The following IMMP1L variants were observed in gnomAD, a reference collection of about 807,000 sequenced individuals.
IMMP1L encodes the protein inner mitochondrial membrane peptidase subunit 1.
A neutral mutation model predicts 21.8 loss-of-function variants in IMMP1L; 24 were observed. The ratio of observed to expected loss-of-function variants is 1.10; its 90% confidence interval spans 0.80 to 1.55. The LOEUF (loss-of-function observed/expected upper bound fraction) is 1.55. IMMP1L is among the 40% of genes most tolerant of loss of function. The pLI, the probability that IMMP1L is intolerant of heterozygous loss-of-function variation, is 0.00. For missense variants in IMMP1L, 195 were observed against 200.7 expected, an observed-to-expected ratio of 0.97 and a Z score of 0.17; for synonymous variants, 46 against 62.8, an observed-to-expected ratio of 0.73 and a Z score of 1.26.
chr11:31,464,623 A>AT (rs1954266896), intron 1 of IMMP1L, among the ~76,000 whole-genome samples: 1 of 152,168 alleles, frequency 6.6e-6, no homozygotes, highest in African/African-American at 2.4e-5. Context: ...GGATGCAAGG[A>AT]TGGTTCAACA....
chr11:31,477,138 A>T (rs1592006778), intron 1 of IMMP1L: 1 of 152,184 alleles, frequency 6.6e-6, no homozygotes, highest in African/African-American at 2.4e-5. Flanking sequence ...TATTCACCAA[A>T]AACATTTCAT....
At chr11:31,464,824 A>G (rs1954275091) in intron 1 of IMMP1L, among the ~76,000 whole-genome samples, 1 of 152,176 alleles carries the variant, frequency 6.6e-6, no homozygotes, top group African/African-American at 2.4e-5. Flanking sequence ...ACAAACCCAC[A>G]GCTAATATCA....
chr11:31,506,069 C>T (rs1955768985), intron 1 of IMMP1L, among the ~76,000 whole-genome samples: 1 of 152,108 alleles, frequency 6.6e-6, no homozygotes, highest in African/African-American at 2.4e-5. Flanking sequence ...ATCAACTGTA[C>T]TTTATTGACC....
intron 1 of IMMP1L, among the ~76,000 whole-genome samples, chr11:31,468,500 T>C (rs111838692): frequency 4.8e-4 from 73 of 152,292 alleles, no homozygotes; most frequent in Non-Finnish European, 9.0e-4. Flanking sequence ...CAAATGTGCA[T>C]TGCACTATTT....
At chr11:31,433,763 C>T (rs1413934295) in intron 4 of IMMP1L, 193 bp from the exon 5 acceptor site, 4 of 424,996 alleles carry the variant, frequency 9.4e-6, no homozygotes, top group Non-Finnish European at 1.7e-5. Context: ...AAGGTTTCAA[C>T]TTTTTTAAAA....
intron 4 of IMMP1L, among the ~76,000 whole-genome samples, chr11:31,444,055 T>G (rs1953432333): frequency 6.6e-6 from 1 of 152,168 alleles, no homozygotes; most frequent in South Asian, 2.1e-4. Context: ...TAACCTCTGG[T>G]GGGCTGTTTA....
chr11:31,478,539 T>C (rs984871768), intron 1 of IMMP1L, among the ~76,000 whole-genome samples: 3 of 152,196 alleles, frequency 2.0e-5, no homozygotes, highest in Non-Finnish European at 2.9e-5. Context: ...GTTTAAAGAA[T>C]AGTTTAACAT....
intron 4 of IMMP1L, among the ~76,000 whole-genome samples, chr11:31,448,478 C>G (rs1318979267): frequency 6.6e-6 from 1 of 152,128 alleles, no homozygotes; most frequent in African/African-American, 2.4e-5. Context: ...GACTTTTAAG[C>G]AACTTTAAAG....
chr11:31,433,670 G>T, intron 4 of IMMP1L, 100 bp from the exon 5 acceptor site: 1 of 632,326 alleles, frequency 1.6e-6, no homozygotes, highest in South Asian at 2.5e-5. Context: ...AATGTCCTAA[G>T]GCTCTCTTTT....
chr11:31,442,122 C>T (rs913414486), intron 4 of IMMP1L, among the ~76,000 whole-genome samples: 1 of 152,100 alleles, frequency 6.6e-6, no homozygotes, highest in African/African-American at 2.4e-5. Flanking sequence ...ATTAAAGGGA[C>T]CTTTAAATCA....
chr11:31,498,387 T>C (rs1216341477), intron 1 of IMMP1L, among the ~76,000 whole-genome samples: 2 of 152,212 alleles, frequency 1.3e-5, no homozygotes, highest in Non-Finnish European at 1.5e-5. Context: ...GGGTTGAAAC[T>C]GAAATTTCTA....
At chr11:31,496,055 T>C (rs1457561666) in intron 1 of IMMP1L, among the ~76,000 whole-genome samples, 1 of 150,738 alleles carries the variant, frequency 6.6e-6, no homozygotes, top group Non-Finnish European at 1.5e-5. Flanking sequence ...TTGCATATCA[T>C]ACATCTAATT....
In IMMP1L at chr11:31,508,027, A is replaced by G. The variant is rs139793928; in HGVS notation, c.-30+1492T>C. ...AATATTTGTAGGGGTGGGGGGACAGAGAGCATCAGGAAGAATAGCTAATGG... is the reference window on the plus strand; with the variant it reads ...AATATTTGTAGGGGTGGGGGGACAGGGAGCATCAGGAAGAATAGCTAATGG... On this transcript the variant is annotated intron_variant, in intron 1 of 5. Coordinates refer to ENST00000532287, the MANE Select transcript of IMMP1L (RefSeq NM_001304274.2). Among the ~76,000 whole-genome samples the G allele has an allele frequency of 7.9e-5, 12 of 152,326 alleles. 1 individual carries two copies. The East Asian group carries it at 2.3e-3, about 29-fold the overall frequency.
At chr11:31,464,468 C>T (rs1346681980) in intron 1 of IMMP1L, among the ~76,000 whole-genome samples, 1 of 152,036 alleles carries the variant, frequency 6.6e-6, no homozygotes, top group Non-Finnish European at 1.5e-5. Context: ...GCCCTAATGC[C>T]CAAACCAGAT....
intron 1 of IMMP1L, among the ~76,000 whole-genome samples, chr11:31,497,615 C>A (rs377654359): frequency 6.6e-6 from 1 of 152,104 alleles, no homozygotes; most frequent in Non-Finnish European, 1.5e-5. Context: ...GCACGCGCTA[C>A]CACGCCCAGC....
intron 4 of IMMP1L, chr11:31,452,476 T>C (rs967223606): frequency 2.8e-5 from 28 of 985,328 alleles, no homozygotes; most frequent in Non-Finnish European, 3.3e-5. Context: ...CCAACTCATT[T>C]TATTTATTTC....
At chr11:31,459,112 A>T (rs936176323) in intron 3 of IMMP1L, among the ~76,000 whole-genome samples, 3 of 152,224 alleles carry the variant, frequency 2.0e-5, no homozygotes, top group African/African-American at 7.2e-5. Flanking sequence ...GTTTTATTTT[A>T]TAATTCCTGT....
rs906229117 is a variant in IMMP1L, at chr11:31,492,482, T to A, written c.-30+17037A>T. Among the ~76,000 whole-genome samples the A allele has an allele frequency of 3.3e-5, 5 of 152,272 alleles. No homozygotes were observed. In the South Asian group the frequency reaches 1.0e-3, roughly 32 times the overall value. ...ATTTCTCTTTCTTAACATTCATGAG[T>A]TTATGAACTTTTCCCATTGCATTCA... is the stretch of plus-strand genomic sequence containing the variant. On this transcript the variant is annotated intron_variant, in intron 1 of 5. Coordinates refer to ENST00000532287, the MANE Select transcript of IMMP1L (RefSeq NM_001304274.2).
chr11:31,466,547 T>C (rs922534009), intron 1 of IMMP1L, among the ~76,000 whole-genome samples: 2 of 152,110 alleles, frequency 1.3e-5, no homozygotes, highest in Admixed American at 1.3e-4. Context: ...GAAAACATGC[T>C]ATACATACAC....
Sources: gnomAD v4.1 joint callset for allele counts (sites outside exome capture counted in the v4.1 genomes callset) on GRCh38, gnomAD v4.1.1 for gene constraint, MANE v1.5 for transcripts, NCBI Gene and HGNC (gene_info 2026-07-23, HGNC 2026-07-21) for gene names.